Variants in MAML2 observed in about 807,000 individuals in gnomAD.
MAML2 encodes the protein mastermind-like protein 2.
Under a neutral mutation model 96.1 loss-of-function variants are expected in MAML2, and 22 were observed. That is an observed-to-expected ratio of 0.23 (90% CI 0.16 to 0.33). The LOEUF is 0.33. MAML2 is among the 10% of genes least tolerant of loss of function. The pLI is 1.00. For synonymous variants in MAML2, 561 were observed against 521.3 expected (o/e 1.08, Z -1.04); for missense variants, 1,367 against 1,392.4 (o/e 0.98, Z 0.29).
At chr11:96,117,289 C>CT (rs11371864) in intron 1 of MAML2, among the ~76,000 whole-genome samples, 77,257 of 145,340 alleles carry the variant, frequency 0.53, 20,431 homozygotes, top group East Asian at 0.77. Flanking sequence ...CTGCAAAGCT[C>CT]TTTTTTTTTT....
chr11:96,213,708 G>A (rs1862005730), intron 1 of MAML2, among the ~76,000 whole-genome samples: 1 of 152,152 alleles, frequency 6.6e-6, no homozygotes, highest in Non-Finnish European at 1.5e-5. Flanking sequence ...AGATACCAAG[G>A]ATAAGGTTTT....
intron 1 of MAML2, among the ~76,000 whole-genome samples, chr11:96,212,028 G>A (rs541324034): frequency 1.3e-5 from 2 of 151,862 alleles, no homozygotes; most frequent in East Asian, 3.9e-4. Flanking sequence ...AAATAAAAAT[G>A]ATTTGAAAAC....
intron 2 of MAML2, among the ~76,000 whole-genome samples, chr11:95,993,598 A>G (rs1422321738): frequency 1.3e-5 from 2 of 152,112 alleles, no homozygotes; most frequent in Non-Finnish European, 2.9e-5. Context: ...ACAAAAAACC[A>G]CAAAGCAACT....
At chr11:96,148,690 A>ACT (rs1371612397) in intron 1 of MAML2, among the ~76,000 whole-genome samples, 1 of 149,596 alleles carries the variant, frequency 6.7e-6, no homozygotes, top group African/African-American at 2.5e-5. Context: ...ACACACACAC[A>ACT]CACACACACA....
chr11:96,073,508 G>A (rs1859381729), intron 2 of MAML2, among the ~76,000 whole-genome samples: 1 of 151,928 alleles, frequency 6.6e-6, no homozygotes, highest in Non-Finnish European at 1.5e-5. Context: ...ATTTAGTAGA[G>A]ACGGGGTTTC....
chr11:96,111,175 T>A (rs771991616), intron 1 of MAML2, among the ~76,000 whole-genome samples: 6 of 152,192 alleles, frequency 3.9e-5, no homozygotes, highest in Non-Finnish European at 7.3e-5. Context: ...ACACATCATT[T>A]TATTTCTTGC....
chr11:96,002,430 C>A (rs1007563083), intron 2 of MAML2, among the ~76,000 whole-genome samples: 3 of 152,064 alleles, frequency 2.0e-5, no homozygotes, highest in Non-Finnish European at 4.4e-5. Context: ...TATGGGTGTG[C>A]CACCTTAGAA....
rs144652169 is a variant in MAML2, at chr11:96,269,296, T to G, written c.513+72087A>C. 3.4e-4 allele frequency among the ~76,000 whole-genome samples: 49 copies of G among 144,270 alleles called. 11 individuals are homozygous for G. Among genetic ancestry groups the G allele is most frequent in the African/African-American group, 1.3e-3 (49 of 37,552 alleles). 94.6% of individuals were successfully genotyped at this position (144,270 alleles called of 152,430 possible). ...TGTGAATCTGGTGAGATTTCTATGG[T>G]AGAAAGTCACATGAATCATCATTGT... On this transcript the variant is annotated intron_variant, in intron 1 of 4. Coordinates refer to ENST00000524717, the MANE Select transcript of MAML2 (RefSeq NM_032427.4).
At chr11:96,167,763 A>G (rs545251765) in intron 1 of MAML2, among the ~76,000 whole-genome samples, 1 of 152,300 alleles carries the variant, frequency 6.6e-6, no homozygotes, top group South Asian at 2.1e-4. Flanking sequence ...TGAGCACCTA[A>G]TATTTGTAAA....
At chr11:96,083,231 T>C (rs1050022191) in intron 2 of MAML2, among the ~76,000 whole-genome samples, 2 of 152,242 alleles carry the variant, frequency 1.3e-5, no homozygotes, top group Non-Finnish European at 2.9e-5. Context: ...TGACATTCAA[T>C]GCATTTGAAT....
At position 96,106,385 on chromosome 11, in the gene MAML2, G is replaced by A. The variant is rs185486650; in HGVS notation, c.514-12868C>T. On this transcript the variant is annotated intron_variant, in intron 1 of 4. Transcript: ENST00000524717. ...TCACTGTTTCTCAGAACACGCTTAT[G>A]AATTTCTTGAAGCTTATCTTTAAAC... 8.1e-4 allele frequency among the ~76,000 whole-genome samples: 123 copies of A among 152,264 alleles called. 1 individual carries two copies. Among genetic ancestry groups the A allele is most frequent in the Admixed American group, 5.9e-3 (90 of 15,292 alleles).
At chr11:96,111,653 C>G (rs1565218081) in intron 1 of MAML2, among the ~76,000 whole-genome samples, 1 of 152,234 alleles carries the variant, frequency 6.6e-6, no homozygotes, top group African/African-American at 2.4e-5. Context: ...GCTGCATACG[C>G]ATAACCTCTA....
intron 1 of MAML2, among the ~76,000 whole-genome samples, chr11:96,171,595 A>G (rs765541527): frequency 1.8e-4 from 27 of 152,242 alleles, no homozygotes; most frequent in Non-Finnish European, 3.4e-4. Context: ...CTGGTTGTCA[A>G]TGCAGTCATG....
intron 2 of MAML2, among the ~76,000 whole-genome samples, chr11:96,056,255 A>G (rs1794343000): frequency 6.6e-6 from 1 of 152,142 alleles, no homozygotes; most frequent in South Asian, 2.1e-4. Flanking sequence ...AGGATGGTGG[A>G]GCTTGGATAG....
At chr11:96,115,469 G>T (rs1007666639) in intron 1 of MAML2, among the ~76,000 whole-genome samples, 1 of 113,808 alleles carries the variant, frequency 8.8e-6, no homozygotes, top group Non-Finnish European at 1.8e-5. Context: ...ACCACACCTG[G>T]CGGATTTTTT....
At chr11:96,000,739 G>T (rs947669586) in intron 2 of MAML2, among the ~76,000 whole-genome samples, 7 of 152,066 alleles carry the variant, frequency 4.6e-5, no homozygotes, top group African/African-American at 1.7e-4. Context: ...AGATAAAGAC[G>T]CTGCCCAGAA....
At chr11:96,179,129 A>G (rs1861443136) in intron 1 of MAML2, among the ~76,000 whole-genome samples, 1 of 152,190 alleles carries the variant, frequency 6.6e-6, no homozygotes, top group African/African-American at 2.4e-5. Context: ...CTGCCCAGCA[A>G]CATAGTGCTG....
chr11:96,269,941 G>A lies in MAML2; in HGVS notation c.513+71442C>T, dbSNP rs116434332. Among the ~76,000 whole-genome samples, 1,381 of 144,066 alleles carry A rather than the reference G, an allele frequency of 9.6e-3. 246 individuals are homozygous for A. The highest frequency in any genetic ancestry group is 0.035 in the African/African-American group (1,293 of 37,420). The allele number at this position is 144,066 out of a possible 152,430, so 94.5% of individuals were successfully genotyped here. Reference sequence around the variant, plus strand: ...GAGCCCCAGAGCTCAGAAACCTCTCGTTAAACCTCATGGCTTTAAATATTT... The same window carrying A: ...GAGCCCCAGAGCTCAGAAACCTCTCATTAAACCTCATGGCTTTAAATATTT... On this transcript the variant is annotated intron_variant, in intron 1 of 4. Transcript: ENST00000524717.
intron 4 of MAML2, among the ~76,000 whole-genome samples, chr11:95,984,541 G>C (rs1445346372): frequency 6.6e-6 from 1 of 152,166 alleles, no homozygotes. Flanking sequence ...TCCCACCTCT[G>C]CCTCCAGAAT....
Sources: allele counts gnomAD v4.1 joint callset (sites outside exome capture counted in the v4.1 genomes callset), GRCh38; gene constraint gnomAD v4.1.1; transcripts MANE v1.5; gene names NCBI Gene and HGNC (gene_info 2026-07-23, HGNC 2026-07-21).